Variants in GLDC observed in about 807,000 individuals in gnomAD.
GLDC encodes the protein glycine dehydrogenase (decarboxylating), mitochondrial.
Under a neutral mutation model 121.3 loss-of-function variants are expected in GLDC, and 104 were observed. The ratio of observed to expected loss-of-function variants is 0.86; its 90% CI spans 0.73 to 1.01. The LOEUF (loss-of-function observed/expected upper bound fraction) is 1.01, where lower values mean the gene tolerates loss of function less well. GLDC is among the 50% of genes least tolerant of loss of function. The pLI is 0.00. For missense variants in GLDC, 1,429 were observed against 1,306.6 expected (o/e 1.09, Z -1.44); for synonymous variants, 546 against 480.6 (o/e 1.14, Z -1.78).
rs138502984 is a variant in GLDC at position 6,608,474 on chromosome 9, C to T, written c.635+1718G>A. ...AAATTAACTCGGCCGGGCTCAGTGG[C>T]TCACGCCTATAATCCCAGCAATTTG... On this transcript the variant is annotated intron_variant, in intron 4 of 24. Coordinates refer to ENST00000321612, the MANE Select transcript of GLDC (RefSeq NM_000170.3). Among the ~76,000 whole-genome samples, 643 of 147,490 alleles carry T rather than the reference C, an allele frequency of 4.4e-3. 3 individuals carry two copies. The highest frequency in any genetic ancestry group is 0.015 in the African/African-American group (596 of 40,288).
intron 15 of GLDC, among the ~76,000 whole-genome samples, chr9:6,572,088 G>C (rs1817979972): frequency 6.6e-6 from 1 of 151,896 alleles, no homozygotes; most frequent in Non-Finnish European, 1.5e-5. Context: ...TGAAATTTCT[G>C]GGAAAAACAA....
At chr9:6,639,412 A>G (rs1819580099) in intron 2 of GLDC, 4 of 922,568 alleles carry the variant, frequency 4.3e-6, no homozygotes, top group Non-Finnish European at 7.1e-6. Flanking sequence ...AAGAAGATGG[A>G]AGACAACAAC....
Position 6,645,254 on chromosome 9 carries a change from C to A in GLDC, c.246G>T (p.Leu82Phe). The A allele has an allele frequency of 1.9e-6, 3 of 1,598,310 alleles. No individual in the cohort carries two copies. The highest frequency in any genetic ancestry group is 2.3e-5 in the East Asian group (1 of 43,474). The change falls in exon 1 of 25, where the codon TTG becomes TTT. Residue 82 changes from leucine (L) to phenylalanine (F), a missense_variant. Transcript: ENST00000321612. ...DKDQREMLQT[L>F]GLASIDELIE... ...GGGTGGAGGTCCTTACCGCCAGCCC[C>A]AAGGTCTGCAGCATCTCTCTCTGGT...
In GLDC at chr9:6,593,214, C is replaced by G. The variant is rs772110521; in HGVS notation, c.1262-224G>C. ...GGAAAATCAACATACAATTGCATTACTGCGTGTATTTTGGTGTATTATTTC... is the reference window on the plus strand; with the variant it reads ...GGAAAATCAACATACAATTGCATTAGTGCGTGTATTTTGGTGTATTATTTC... On this transcript the variant is annotated intron_variant, in intron 9 of 24. Transcript: ENST00000321612. The G allele has an allele frequency of 7.2e-5, 36 of 499,486 alleles. 1 individual carries two copies. Among genetic ancestry groups the G allele is most frequent in the Non-Finnish European group, 1.0e-4 (29 of 278,722 alleles). The allele number at this position is 499,486 out of a possible 1,614,324, so 30.9% of individuals were successfully genotyped here.
Position 6,629,929 on chromosome 9 carries a change from C to G in GLDC, c.335-9610G>C, listed in dbSNP as rs1052334792. Among the ~76,000 whole-genome samples, 16 of 102,130 alleles carry G rather than the reference C, an allele frequency of 1.6e-4. 1 individual carries two copies. The highest frequency in any genetic ancestry group is 2.2e-4 in the Non-Finnish European group (12 of 54,156). The allele number at this position is 102,130 out of a possible 152,430, so 67.0% of individuals were successfully genotyped here. A position where few individuals can be genotyped will look rare whatever the true frequency, so the allele number is the denominator to read the frequency against. On this transcript the variant is annotated intron_variant, in intron 2 of 24. Coordinates refer to ENST00000321612, the MANE Select transcript of GLDC (RefSeq NM_000170.3). ...ATGTGGGAGGGAGGCTTGCTTTTCACTATATATATATATATGTATATATAT... is the reference window on the plus strand; with the variant it reads ...ATGTGGGAGGGAGGCTTGCTTTTCAGTATATATATATATATGTATATATAT...
rs373917341 is a variant in GLDC at position 6,589,261 on chromosome 9, C to T, written c.1514G>A (p.Cys505Tyr). Residue 505 changes from cysteine to tyrosine, a missense_variant, in exon 12 of 25, where the codon TGC (cysteine) becomes TAC (tyrosine). Transcript: ENST00000321612. ...GAACACAGACCCTGGAATACCTCTGCACTCCTCTCCCATGCTTTCAGCAAC... is the reference window on the plus strand; with the variant it reads ...GAACACAGACCCTGGAATACCTCTGTACTCCTCTCCCATGCTTTCAGCAAC... ...ELVAESMGEE[C>Y]RGIPGSVFKR... 2 of 1,609,956 alleles carry T rather than the reference C, an allele frequency of 1.2e-6. No homozygotes were observed. Among genetic ancestry groups the T allele is most frequent in the African/African-American group, 2.7e-5 (2 of 74,858 alleles).
chr9:6,571,138 G>C lies in GLDC; in HGVS notation c.1851-5709C>G, dbSNP rs546325195. ...AGCAAGATTATTCTAAAATGCATAT[G>C]TAAAGGCAAAGTAACTGGAATAGCT... On this transcript the variant is annotated intron_variant, in intron 15 of 24. Transcript: ENST00000321612. Among the ~76,000 whole-genome samples the C allele has an allele frequency of 6.8e-4, 104 of 151,976 alleles. No homozygotes were observed. In the Middle Eastern group the frequency reaches 0.017, roughly 25 times the overall value.
chr9:6,632,207 A>G (rs1317177714), intron 2 of GLDC, among the ~76,000 whole-genome samples: 4 of 152,230 alleles, frequency 2.6e-5, no homozygotes, highest in African/African-American at 9.6e-5. Flanking sequence ...ACGTATGGCT[A>G]GCCCAGGAAC....
chr9:6,572,856 GC>G (rs1457796417), intron 15 of GLDC, among the ~76,000 whole-genome samples: 1 of 152,172 alleles, frequency 6.6e-6, no homozygotes, highest in Non-Finnish European at 1.5e-5. Flanking sequence ...GCAAACAGGA[GC>G]CCTTAGGTGG....
intron 4 of GLDC, among the ~76,000 whole-genome samples, chr9:6,608,711 A>G (rs1299174356): frequency 6.6e-6 from 1 of 152,134 alleles, no homozygotes; most frequent in Non-Finnish European, 1.5e-5. Context: ...ACGCCACTGT[A>G]CTCCAGCCCG....
intron 15 of GLDC, chr9:6,565,889 A>G (rs192236756): frequency 7.0e-5 from 19 of 272,496 alleles, no homozygotes; most frequent in African/African-American, 3.8e-4. Flanking sequence ...AACTTCAAAC[A>G]TCCTATCATC....
intron 2 of GLDC, among the ~76,000 whole-genome samples, chr9:6,621,354 A>G (rs1819090089): frequency 6.6e-6 from 1 of 152,200 alleles, no homozygotes; most frequent in Non-Finnish European, 1.5e-5. Flanking sequence ...TCCACCAGGA[A>G]TTGTACCATA....
intron 2 of GLDC, among the ~76,000 whole-genome samples, chr9:6,637,865 C>T (rs1004820902): frequency 4.1e-5 from 6 of 145,948 alleles, no homozygotes; most frequent in African/African-American, 1.5e-4. Context: ...TTTTTTTTTA[C>T]TTTTTTTTTT....
rs574902942 is a variant in GLDC at position 6,545,186 on chromosome 9, T to G, written c.2570-5040A>C. ...TAGCAGAATACAGTCATGCATCACTTAATGAAGGGAATACGTTCTGAGAAG... is the reference window on the plus strand; with the variant it reads ...TAGCAGAATACAGTCATGCATCACTGAATGAAGGGAATACGTTCTGAGAAG... On this transcript the variant is annotated intron_variant, in intron 21 of 24. Coordinates refer to ENST00000321612, the MANE Select transcript of GLDC (RefSeq NM_000170.3). Among the ~76,000 whole-genome samples, 65 of 152,280 alleles carry G rather than the reference T, an allele frequency of 4.3e-4. 1 individual carries two copies. Among genetic ancestry groups the G allele is most frequent in the South Asian group, 3.7e-3 (18 of 4,818 alleles).
At chr9:6,544,638 C>T (rs1327659185) in intron 21 of GLDC, among the ~76,000 whole-genome samples, 1 of 105,674 alleles carries the variant, frequency 9.5e-6, no homozygotes, top group African/African-American at 4.2e-5. Context: ...GACTCTGTCT[C>T]AAAAAAAAAA....
intron 15 of GLDC, chr9:6,569,315 T>C (rs1817908675): frequency 6.6e-6 from 1 of 152,226 alleles, no homozygotes; most frequent in Non-Finnish European, 1.5e-5. Context: ...AATTAATTTA[T>C]CTTTCCCTTT....
chr9:6,554,631 C>G lies in GLDC; in HGVS notation c.2315+38G>C, dbSNP rs780954019. The G allele has an allele frequency of 2.1e-6, 3 of 1,417,492 alleles. No individual in the cohort carries two copies. The South Asian group carries it at 3.5e-5, about 17-fold the overall frequency. The allele number at this position is 1,417,492 out of a possible 1,614,324, so 87.8% of individuals were successfully genotyped here. On this transcript the variant is annotated intron_variant, in intron 19 of 24. Transcript: ENST00000321612. ...ATTTAGGGCCACTCCTTCATTCTGTCTCCAAAGCCATCCTGAAACCAGCAG... is the reference window on the plus strand; with the variant it reads ...ATTTAGGGCCACTCCTTCATTCTGTGTCCAAAGCCATCCTGAAACCAGCAG...
At chr9:6,579,522 A>T (rs564005357) in intron 15 of GLDC, among the ~76,000 whole-genome samples, 75 of 118,032 alleles carry the variant, frequency 6.4e-4, no homozygotes, top group Middle Eastern at 4.7e-3. Flanking sequence ...TATTTATTTG[A>T]TAATTTTATT....
At chr9:6,606,503 CCAAT>C in intron 5 of GLDC, 85 bp downstream of exon 5, 1 of 894,778 alleles carries the variant, frequency 1.1e-6, no homozygotes, top group South Asian at 1.3e-5. Flanking sequence ...AGATTCACCT[CCAAT>C]CAGTTTGGAA....
Sources: allele counts gnomAD v4.1 joint callset (sites outside exome capture counted in the v4.1 genomes callset), GRCh38; gene constraint gnomAD v4.1.1; transcripts MANE v1.5; gene names NCBI Gene and HGNC (gene_info 2026-07-23, HGNC 2026-07-21).